SLC17A3: variants seen among roughly 807,000 people sequenced by gnomAD.
The protein encoded by SLC17A3 is solute carrier family 17 member 3, also known as sodium-dependent phosphate transport protein 4.
Under a neutral mutation model 60.3 loss-of-function variants are expected in SLC17A3, and 61 were observed. That is an observed-to-expected ratio of 1.01 (90% confidence interval 0.82 to 1.25). The LOEUF is 1.25. Among genes scored for constraint, SLC17A3 ranks in the 50% most tolerant of loss-of-function variants. SLC17A3 has a pLI of 0.00. For missense variants in SLC17A3, 624 were observed against 594.9 expected, an observed-to-expected ratio of 1.05 and a Z score of -0.51; for synonymous variants, 192 against 208.9, an observed-to-expected ratio of 0.92 and a Z score of 0.70.
intron 11 of SLC17A3, among the ~76,000 whole-genome samples, chr6:25,845,811 C>T (rs1482059614): frequency 1.3e-5 from 2 of 152,140 alleles, no homozygotes; most frequent in Non-Finnish European, 2.9e-5. Flanking sequence ...GCTGAGAATC[C>T]TTTCAAGATT....
chr6:25,860,712 C>T (rs1765432500), intron 5 of SLC17A3, among the ~76,000 whole-genome samples: 1 of 152,304 alleles, frequency 6.6e-6, no homozygotes, highest in Non-Finnish European at 1.5e-5. Flanking sequence ...TTGACCTATT[C>T]TGGTTGTTCA....
At chr6:25,858,617 A>C (rs937628479) in intron 5 of SLC17A3, among the ~76,000 whole-genome samples, 5 of 151,066 alleles carry the variant, frequency 3.3e-5, no homozygotes, top group African/African-American at 1.2e-4. Context: ...CCTCTTCTCC[A>C]TCTATGTTCT....
chr6:25,866,942 G>A (rs1209075328), intron 2 of SLC17A3, among the ~76,000 whole-genome samples: 6 of 151,922 alleles, frequency 3.9e-5, no homozygotes, highest in Non-Finnish European at 7.4e-5. Flanking sequence ...TTGTCAAACT[G>A]AAGACACCAT....
intron 1 of SLC17A3, among the ~76,000 whole-genome samples, chr6:25,870,227 C>T (rs982753796): frequency 3.9e-5 from 6 of 151,912 alleles, no homozygotes; most frequent in African/African-American, 1.4e-4. Flanking sequence ...GTGGCCAGTA[C>T]ATTTTAAAAA....
chr6:25,849,405 A>G lies in SLC17A3; in HGVS notation c.1331T>C (p.Val444Ala). 1 of 1,612,078 alleles carries G rather than the reference A, an allele frequency of 6.2e-7. No individual in the cohort carries two copies. The highest frequency in any genetic ancestry group is 1.1e-5 in the South Asian group (1 of 91,042). Residue 444 changes from valine (V) to alanine (A), a missense_variant, in exon 11 of 13, where the codon GTA becomes GCA. Coordinates refer to ENST00000397060, the MANE Select transcript of SLC17A3 (RefSeq NM_001098486.2). The stretch of plus-strand genomic sequence containing the variant: ...AAGAAGAAATCCACTGACAGTGGGT[A>G]CAATGACAGGTGCTATGCTCGAAAA... ...RGFSSIAPVIVPTVSGFLLSQ... is the reference protein window; with the variant it reads ...RGFSSIAPVIAPTVSGFLLSQ...
chr6:25,854,243 C>A (rs1042933017), intron 6 of SLC17A3, among the ~76,000 whole-genome samples: 3 of 152,102 alleles, frequency 2.0e-5, no homozygotes, highest in African/African-American at 2.4e-5. Flanking sequence ...AATATTGAGG[C>A]CTCCATCTTT....
chr6:25,846,696 C>T (rs998693762), intron 11 of SLC17A3, among the ~76,000 whole-genome samples: 6 of 152,064 alleles, frequency 3.9e-5, no homozygotes, highest in Admixed American at 2.6e-4. Context: ...CTGCAGCCTC[C>T]GCCTCCTGGG....
At chr6:25,866,447 G>A (rs1261964923) in intron 2 of SLC17A3, among the ~76,000 whole-genome samples, 2 of 151,978 alleles carry the variant, frequency 1.3e-5, no homozygotes, top group African/African-American at 4.8e-5. Context: ...CCAATCAATT[G>A]TAGCCTTGTG....
At chr6:25,856,643 C>G (rs1413633058) in intron 5 of SLC17A3, among the ~76,000 whole-genome samples, 1 of 151,392 alleles carries the variant, frequency 6.6e-6, no homozygotes, top group South Asian at 2.1e-4. Flanking sequence ...GTTAGGAGTT[C>G]GAGACCAGCT....
intron 11 of SLC17A3, among the ~76,000 whole-genome samples, chr6:25,846,544 C>A (rs1765177535): frequency 6.6e-6 from 1 of 152,170 alleles, no homozygotes; most frequent in East Asian, 1.9e-4. Flanking sequence ...GTAATAGTTA[C>A]AACCAGGAGG....
At chr6:25,846,980 C>T (rs1765185116) in intron 11 of SLC17A3, among the ~76,000 whole-genome samples, 3 of 152,098 alleles carry the variant, frequency 2.0e-5, no homozygotes, top group South Asian at 4.1e-4. Context: ...TATAGGTAAA[C>T]TCATGTAATG....
intron 1 of SLC17A3, among the ~76,000 whole-genome samples, chr6:25,869,866 T>C (rs2081466604): frequency 2.0e-5 from 3 of 152,010 alleles, no homozygotes; most frequent in African/African-American, 7.2e-5. Flanking sequence ...ATAAAGTATG[T>C]ACTCACTTTT....
chr6:25,854,628 G>A (rs1293070300), intron 6 of SLC17A3, among the ~76,000 whole-genome samples: 2 of 152,210 alleles, frequency 1.3e-5, no homozygotes, highest in Non-Finnish European at 2.9e-5. Context: ...TATGGAGGGA[G>A]CAGTTCTTTC....
Position 25,845,423 on chromosome 6 carries a change from C to T in SLC17A3, c.1456G>A (p.Val486Ile). ...TTTCTCTCTTTAGCCCATTCTTGGACATCTGCTTCTCCAAATATGAGGTAG... is the reference window on the plus strand; with the variant it reads ...TTTCTCTCTTTAGCCCATTCTTGGATATCTGCTTCTCCAAATATGAGGTAG... The part of the protein sequence containing the change: ...LFYLIFGEAD[V>I]QEWAKERKLT... Residue 486 changes from valine (V) to isoleucine (I), a missense_variant, in exon 12 of 13, where the codon GTC becomes ATC. Transcript: ENST00000397060. The T allele has an allele frequency of 1.2e-6, 2 of 1,614,002 alleles. No homozygotes were observed. The highest frequency in any genetic ancestry group is 1.1e-5 in the South Asian group (1 of 91,082).
chr6:25,855,881 TG>T (rs1173429387), intron 5 of SLC17A3, among the ~76,000 whole-genome samples: 7 of 152,228 alleles, frequency 4.6e-5, no homozygotes, highest in African/African-American at 1.7e-4. Flanking sequence ...ACTATATATG[TG>T]TATAGGTATT....
At chr6:25,872,963 C>T (rs1765669739) in intron 1 of SLC17A3, among the ~76,000 whole-genome samples, 1 of 152,044 alleles carries the variant, frequency 6.6e-6, no homozygotes, top group African/African-American at 2.4e-5. Flanking sequence ...CACATCTTCT[C>T]CTGCCAGCAG....
chr6:25,854,522 G>A (rs1035283822), intron 6 of SLC17A3, among the ~76,000 whole-genome samples: 3 of 152,138 alleles, frequency 2.0e-5, no homozygotes, highest in Admixed American at 6.5e-5. Flanking sequence ...CCCTCAAAGA[G>A]CTCACTGTCC....
At chr6:25,866,355 T>C (rs1303583193) in intron 2 of SLC17A3, among the ~76,000 whole-genome samples, 1 of 151,870 alleles carries the variant, frequency 6.6e-6, no homozygotes, top group Non-Finnish European at 1.5e-5. Context: ...TATAAGAAAA[T>C]GAATTTTTCC....
intron 6 of SLC17A3, among the ~76,000 whole-genome samples, chr6:25,853,796 G>A (rs981591889): frequency 6.6e-6 from 1 of 151,970 alleles, no homozygotes; most frequent in Non-Finnish European, 1.5e-5. Context: ...GGTATTTTAA[G>A]GCATAAGCTT....
Sources: gnomAD v4.1 joint callset for allele counts (sites outside exome capture counted in the v4.1 genomes callset) on GRCh38, gnomAD v4.1.1 for gene constraint, MANE v1.5 for transcripts, NCBI Gene and HGNC (gene_info 2026-07-23, HGNC 2026-07-21) for gene names.